The following TUBGCP3 variants were observed in gnomAD, a reference collection of about 807,000 sequenced individuals.
TUBGCP3 encodes the protein tubulin gamma complex component 3.
A neutral mutation model predicts 123.1 loss-of-function variants in TUBGCP3; 50 were observed. That is an observed-to-expected ratio of 0.41 (90% CI 0.32 to 0.51). TUBGCP3 has a LOEUF of 0.51. Among genes scored for constraint, TUBGCP3 ranks in the 20% least tolerant of loss-of-function variants. TUBGCP3 has a pLI of 0.36. For missense variants in TUBGCP3, 882 were observed against 1,127.0 expected, an observed-to-expected ratio of 0.78 and a Z score of 3.11; for synonymous variants, 405 against 413.9, an observed-to-expected ratio of 0.98 and a Z score of 0.26.
At chr13:112,543,462 C>T (rs951277948) in intron 11 of TUBGCP3, among the ~76,000 whole-genome samples, 3 of 152,132 alleles carry the variant, frequency 2.0e-5, no homozygotes, top group African/African-American at 7.2e-5. Flanking sequence ...GAACTTTTAA[C>T]GGAATTGACA....
At chr13:112,526,449 G>A (rs1421539421) in intron 13 of TUBGCP3, among the ~76,000 whole-genome samples, 4 of 89,776 alleles carry the variant, frequency 4.5e-5, no homozygotes, top group African/African-American at 1.8e-4. Flanking sequence ...CATCACCGTC[G>A]CCACCCATCC....
At chr13:112,533,355 C>T (rs113985071) in intron 11 of TUBGCP3, among the ~76,000 whole-genome samples, 20 of 152,314 alleles carry the variant, frequency 1.3e-4, no homozygotes, top group African/African-American at 4.6e-4. Flanking sequence ...CTCACACCAG[C>T]GCCATGCCCA....
chr13:112,503,995 T>C lies in TUBGCP3; in HGVS notation c.2307+37A>G. 3 of 1,563,048 alleles carry C rather than the reference T, an allele frequency of 1.9e-6. No homozygotes were observed. In the South Asian group the frequency reaches 3.5e-5, roughly 18 times the overall value. The stretch of plus-strand genomic sequence containing the variant: ...GGAACCCAAGAAAAGAAGATGATTC[T>C]TTTGGTTTCTTGTTTCTAAGCAGGT... On this transcript the variant is annotated intron_variant, in intron 19 of 21. Coordinates refer to ENST00000261965, the MANE Select transcript of TUBGCP3 (RefSeq NM_006322.6).
intron 9 of TUBGCP3, 51 bp from the exon 10 acceptor site, chr13:112,547,803 C>A: frequency 7.2e-7 from 1 of 1,382,190 alleles, no homozygotes; most frequent in Non-Finnish European, 9.4e-7. Context: ...CCACATAGAT[C>A]ACACTTCTTA....
chr13:112,572,549 A>G lies in TUBGCP3; in HGVS notation c.77-3290T>C, dbSNP rs189577937. Among the ~76,000 whole-genome samples, 309 of 152,218 alleles carry G rather than the reference A, an allele frequency of 2.0e-3. 3 individuals are homozygous for G. Among genetic ancestry groups the G allele is most frequent in the Admixed American group, 0.011 (169 of 15,292 alleles). ...TTCTGTTGATCACTAATTTCACTTA[A>G]ACAGTAAGAGGTCACTGTAAGGCTA... On this transcript the variant is annotated intron_variant, in intron 1 of 21. Transcript: ENST00000261965.
At chr13:112,496,076 G>A (rs1023630919) in intron 20 of TUBGCP3, among the ~76,000 whole-genome samples, 3 of 152,162 alleles carry the variant, frequency 2.0e-5, no homozygotes, top group Non-Finnish European at 2.9e-5. Context: ...AGACAGTCAC[G>A]TGTATGGGTG....
intron 2 of TUBGCP3, among the ~76,000 whole-genome samples, chr13:112,567,045 A>G (rs1363575732): frequency 6.6e-6 from 1 of 152,272 alleles, no homozygotes; most frequent in East Asian, 1.9e-4. Flanking sequence ...AAGCATTCAT[A>G]AAACATGACA....
intron 20 of TUBGCP3, among the ~76,000 whole-genome samples, chr13:112,498,352 A>G (rs993003076): frequency 3.9e-5 from 6 of 152,240 alleles, no homozygotes; most frequent in Non-Finnish European, 7.3e-5. Context: ...AAGTCTACAC[A>G]TGAAATTCAT....
intron 1 of TUBGCP3, among the ~76,000 whole-genome samples, chr13:112,580,587 T>A (rs567291098): frequency 2.6e-5 from 4 of 152,236 alleles, no homozygotes; most frequent in Non-Finnish European, 5.9e-5. Flanking sequence ...GTTCCACACC[T>A]AGACACATTA....
At chr13:112,518,826 T>C (rs2139056704) in intron 16 of TUBGCP3, 149 bp downstream of exon 16, 1 of 640,020 alleles carries the variant, frequency 1.6e-6, no homozygotes. Flanking sequence ...ACACACAATT[T>C]TGGCTTAAGT....
intron 14 of TUBGCP3, 105 bp from the exon 15 acceptor site, chr13:112,520,126 A>C: frequency 8.6e-7 from 1 of 1,163,840 alleles, no homozygotes; most frequent in Non-Finnish European, 1.2e-6. Context: ...ATAAAAACTC[A>C]AAAGACAAAT....
intron 1 of TUBGCP3, among the ~76,000 whole-genome samples, chr13:112,575,032 C>T (rs1881701611): frequency 6.6e-6 from 1 of 152,186 alleles, no homozygotes; most frequent in Admixed American, 6.5e-5. Context: ...CAGTGGGCTG[C>T]CCCATTCCAC....
chr13:112,501,794 G>A (rs766267395), intron 19 of TUBGCP3, among the ~76,000 whole-genome samples: 14 of 152,268 alleles, frequency 9.2e-5, no homozygotes, highest in South Asian at 2.1e-4. Flanking sequence ...CGTCAGGTGG[G>A]ACCAACGCAC....
intron 14 of TUBGCP3, chr13:112,521,580 G>T: frequency 2.5e-6 from 2 of 790,622 alleles, no homozygotes; most frequent in Non-Finnish European, 3.1e-6. Flanking sequence ...AGGACCTGAG[G>T]CCTAAAACAA....
intron 14 of TUBGCP3, 152 bp from the exon 15 acceptor site, chr13:112,520,173 A>G: frequency 1.5e-6 from 1 of 646,008 alleles, no homozygotes. Flanking sequence ...AAAGCTTCAG[A>G]GCATTAACTG....
chr13:112,552,663 G>A (rs1304742560), intron 8 of TUBGCP3, among the ~76,000 whole-genome samples: 1 of 152,206 alleles, frequency 6.6e-6, no homozygotes, highest in Non-Finnish European at 1.5e-5. Context: ...GACCATTACA[G>A]GAGAAGCCCA....
At position 112,559,393 on chromosome 13, in the gene TUBGCP3, A is replaced by C; in HGVS notation, c.259T>G (p.Leu87Val). Residue 87 changes from leucine (L) to valine (V), a missense_variant, in exon 4 of 22, where the codon TTG becomes GTG. By Grantham distance (32) the Leu-to-Val change is conservative (BLOSUM62 1). Coordinates refer to ENST00000261965, the MANE Select transcript of TUBGCP3 (RefSeq NM_006322.6). Reference protein sequence around the residue: ...LHRKLHSQGVLKNKWSILYLL... With the variant: ...LHRKLHSQGVVKNKWSILYLL... ...TAGAGTATTGACCATTTATTTTTCA[A>C]AACTCCCTGTTTGGAAAAAAGTTAA... 1 of 1,597,252 alleles carries C rather than the reference A, an allele frequency of 6.3e-7. No individual in the cohort carries two copies. Among genetic ancestry groups the C allele is most frequent in the African/African-American group, 1.3e-5 (1 of 74,618 alleles).
intron 11 of TUBGCP3, among the ~76,000 whole-genome samples, chr13:112,536,759 A>C (rs1282571609): frequency 6.6e-6 from 1 of 152,168 alleles, no homozygotes; most frequent in Non-Finnish European, 1.5e-5. Context: ...AATCAGATCA[A>C]GTATCTGTGA....
chr13:112,569,857 T>C (rs535420451), intron 1 of TUBGCP3, among the ~76,000 whole-genome samples: 5 of 152,014 alleles, frequency 3.3e-5, no homozygotes, highest in African/African-American at 1.2e-4. Flanking sequence ...GGACTGCAGA[T>C]AGATGTGTGG....
Sources: allele counts gnomAD v4.1 joint callset (sites outside exome capture counted in the v4.1 genomes callset), GRCh38; gene constraint gnomAD v4.1.1; transcripts MANE v1.5; gene names NCBI Gene and HGNC (gene_info 2026-07-23, HGNC 2026-07-21).